The following SS18L1 variants were observed in gnomAD, a reference collection of about 807,000 sequenced individuals.
The protein encoded by SS18L1 is calcium-responsive transactivator.
A neutral mutation model predicts 70.3 loss-of-function variants in SS18L1; 32 were observed. The observed-to-expected ratio is 0.46, with a 90% confidence interval of 0.34 to 0.61. The LOEUF is 0.61. Ranked by LOEUF, SS18L1 falls within the 20% of genes least tolerant of loss-of-function variation. The pLI, the probability that SS18L1 is intolerant of heterozygous loss-of-function variation, is 0.01. For missense variants in SS18L1, 430 were observed against 542.1 expected (o/e 0.79, Z 2.05); for synonymous variants, 237 against 229.7 (o/e 1.03, Z -0.29).
In SS18L1 at chr20:62,163,622, G is replaced by T; in HGVS notation, c.721G>T (p.Gly241Cys). Reference protein sequence around the residue: ...PMAPYRPSQQGSSQQYLGQEE... With the variant: ...PMAPYRPSQQCSSQQYLGQEE... The stretch of plus-strand genomic sequence containing the variant: ...GGCGCCCTACCGGCCCTCCCAGCAA[G>T]GTAACGCCCGGCCGGGCCAGGTCGC... Residue 241 changes from glycine (G) to cysteine (C), a missense_variant and splice_region_variant, in exon 6 of 11, where the codon GGC becomes TGC. Transcript: ENST00000331758. 1 of 1,577,832 alleles carries T rather than the reference G, an allele frequency of 6.3e-7. No individual in the cohort carries two copies.
At chr20:62,154,364 G>A (rs890748090) in intron 1 of SS18L1, 6 of 1,050,254 alleles carry the variant, frequency 5.7e-6, no homozygotes, top group Middle Eastern at 4.3e-4. Context: ...CTGAAAGTGC[G>A]TCCATTCCCC....
Position 62,143,805 on chromosome 20 carries a change from GC to G in SS18L1, c.-12del. The G allele has an allele frequency of 7.4e-7, 1 of 1,353,912 alleles. No homozygotes were observed. The highest frequency in any genetic ancestry group is 9.8e-7 in the Non-Finnish European group (1 of 1,023,096). The allele number at this position is 1,353,912 out of a possible 1,614,324, so 83.9% of individuals were successfully genotyped here. A position where few individuals can be genotyped will look rare whatever the true frequency, so the allele number is the denominator to read the frequency against. On this transcript the variant is annotated 5_prime_UTR_variant, in exon 1 of 11. Coordinates refer to ENST00000331758, the MANE Select transcript of SS18L1 (RefSeq NM_198935.3). ...ATCCACCTCGATGACCACGGGCTGA[GC>G]CCCGCGCCGCCACCATGTCCGTGGC... is the stretch of plus-strand genomic sequence containing the variant.
In SS18L1 at chr20:62,162,753, GCC is replaced by G. The variant is rs766850990; in HGVS notation, c.379_380del (p.Pro127GlufsTer11). ...SLLQGQIGNG[P>X]SHVSMQQTAP... ...ACCACTCCCTGCTCCCCATGCCAGG[GCC>G]GAGCCACGTGTCCATGCAGCAGACG... On this transcript the variant is annotated frameshift_variant and splice_region_variant, in exon 5 of 11. Coordinates refer to ENST00000331758, the MANE Select transcript of SS18L1 (RefSeq NM_198935.3). LOFTEE classifies it high-confidence loss of function. 1 of 1,606,544 alleles carries G rather than the reference GCC, an allele frequency of 6.2e-7. No individual in the cohort carries two copies. Among genetic ancestry groups the G allele is most frequent in the South Asian group, 1.1e-5 (1 of 90,734 alleles).
chr20:62,179,093 C>T lies in SS18L1; in HGVS notation c.1165-89C>T, dbSNP rs1284425144. On this transcript the variant is annotated intron_variant, in intron 10 of 10. Transcript: ENST00000331758. ...AGAGGTTGTTTGCTTGCTGTTGTCCCTCCTACCCCCTGTCCGGGCTGGGGT... is the reference window on the plus strand; with the variant it reads ...AGAGGTTGTTTGCTTGCTGTTGTCCTTCCTACCCCCTGTCCGGGCTGGGGT... The T allele has an allele frequency of 9.6e-6, 14 of 1,461,220 alleles. No homozygotes were observed. The East Asian group carries it at 2.5e-4, about 26-fold the overall frequency. The allele number at this position is 1,461,220 out of a possible 1,614,324, so 90.5% of individuals were successfully genotyped here. A position where few individuals can be genotyped will look rare whatever the true frequency, so the allele number is the denominator to read the frequency against.
At chr20:62,167,795 T>A (rs2057461564) in intron 8 of SS18L1, among the ~76,000 whole-genome samples, 1 of 151,520 alleles carries the variant, frequency 6.6e-6, no homozygotes, top group Admixed American at 6.6e-5. Context: ...TGCTCAGCCT[T>A]TTAGTGTCTG....
intron 8 of SS18L1, 100 bp from the exon 9 acceptor site, chr20:62,172,582 G>A: frequency 1.3e-6 from 2 of 1,573,292 alleles, no homozygotes; most frequent in African/African-American, 1.3e-5. Context: ...AATGGATTTG[G>A]TTTTGGGATT....
rs995654984 is a variant in SS18L1 at position 62,164,387 on chromosome 20, G to A, written c.823+141G>A. 7 of 897,928 alleles carry A rather than the reference G, an allele frequency of 7.8e-6. No individual in the cohort carries two copies. In the African/African-American group the frequency reaches 1.2e-4, roughly 15 times the overall value. The allele number at this position is 897,928 out of a possible 1,614,324, so 55.6% of individuals were successfully genotyped here. A position where few individuals can be genotyped will look rare whatever the true frequency, so the allele number is the denominator to read the frequency against. ...CTCAGGCCTGGGCTACAGGCAGAGT[G>A]GCCAGACGCCCTGCAGGAGCAAGGT... On this transcript the variant is annotated intron_variant, in intron 7 of 10. Transcript: ENST00000331758.
At position 62,164,240 on chromosome 20, in the gene SS18L1, C is replaced by T; in HGVS notation, c.817C>T (p.Pro273Ser). 1 of 1,547,828 alleles carries T rather than the reference C, an allele frequency of 6.5e-7. No homozygotes were observed. Among genetic ancestry groups the T allele is most frequent in the Non-Finnish European group, 8.7e-7 (1 of 1,145,698 alleles). Residue 273 changes from proline (P) to serine (S), a missense_variant, in exon 7 of 11, where the codon CCC becomes TCC. Transcript: ENST00000331758. ...AAEPMGQQYY[P>S]DGHGDYAYQQ... ...GGAGCCCATGGGCCAGCAGTACTAC[C>T]CCGACGGTGAGCACTGGCGGCGGCC...
At position 62,161,209 on chromosome 20, in the gene SS18L1, CAGTA is replaced by C. The variant is rs1568749068; in HGVS notation, c.232-226_232-223del. On this transcript the variant is annotated intron_variant, in intron 3 of 10. Coordinates refer to ENST00000331758, the MANE Select transcript of SS18L1 (RefSeq NM_198935.3). The surrounding 1 kb of genome is among the most constrained non-coding windows in gnomAD (Gnocchi z 4.4). Reference sequence around the variant, plus strand: ...GGCACGTGTGGATGAACTTGATACTCAGTAGGGTTGTGAACGCTCACCCAGATGC... The same window carrying C: ...GGCACGTGTGGATGAACTTGATACTCGGGTTGTGAACGCTCACCCAGATGC... 6.6e-6 allele frequency among the ~76,000 whole-genome samples: 1 copy of C among 150,674 alleles called. No individual in the cohort carries two copies. Among genetic ancestry groups the C allele is most frequent in the Non-Finnish European group, 1.5e-5 (1 of 67,802 alleles).
At chr20:62,163,181 G>A (rs2145742980) in intron 5 of SS18L1, among the ~76,000 whole-genome samples, 1 of 152,264 alleles carries the variant, frequency 6.6e-6, no homozygotes, top group East Asian at 1.9e-4. Context: ...GAGTCTCAGG[G>A]AATGCCCCAG....
chr20:62,180,035 T>G lies in SS18L1; in HGVS notation c.*827T>G, dbSNP rs2057684669. The G allele has an allele frequency of 4.6e-6, 1 of 218,254 alleles. No homozygotes were observed. The highest frequency in any genetic ancestry group is 1.9e-4 in the South Asian group (1 of 5,404). The allele number at this position is 218,254 out of a possible 1,614,324, so 13.5% of individuals were successfully genotyped here. Reference sequence around the variant, plus strand: ...TCAGAGATTACTCTGGCTTTGACCCTTGTTTAGCTGATGGTCATTTCTGGG... The same window carrying G: ...TCAGAGATTACTCTGGCTTTGACCCGTGTTTAGCTGATGGTCATTTCTGGG... On this transcript the variant is annotated 3_prime_UTR_variant, in exon 11 of 11. Transcript: ENST00000331758.
chr20:62,178,141 C>CTTTTTT (rs61157167), intron 10 of SS18L1, among the ~76,000 whole-genome samples: 96 of 97,734 alleles, frequency 9.8e-4, no homozygotes, highest in Non-Finnish European at 1.2e-3. Context: ...GTGGCTTATT[C>CTTTTTT]TTTTTTTTTT....
At chr20:62,179,053 C>T (rs534228606) in intron 10 of SS18L1, 129 bp from the exon 11 acceptor site, 27 of 995,868 alleles carry the variant, frequency 2.7e-5, no homozygotes, top group South Asian at 1.3e-4. Context: ...TTCGCTGCCC[C>T]GCAGAGATGT....
intron 1 of SS18L1, chr20:62,154,414 A>G (rs995389933): frequency 1.9e-6 from 2 of 1,044,516 alleles, no homozygotes; most frequent in East Asian, 1.1e-4. Flanking sequence ...TAGAATTTCT[A>G]CGCAGAAGTC....
In SS18L1 at chr20:62,162,814, A is replaced by G; in HGVS notation, c.439A>G (p.Ile147Val). The G allele has an allele frequency of 1.2e-6, 2 of 1,612,808 alleles. No individual in the cohort carries two copies. The highest frequency in any genetic ancestry group is 1.1e-5 in the South Asian group (1 of 91,076). ...PNTLPTTSMS[I>V]SGPGYSHAGP... ...CACGCTGCCCACCACCTCCATGAGC[A>G]TCTCTGGGCCCGGCTACAGCCACGC... Residue 147 changes from isoleucine (I) to valine (V), a missense_variant, in exon 5 of 11, where the codon ATC becomes GTC. Ile to Val is a conservative substitution (Grantham distance 29). Transcript: ENST00000331758.
intron 1 of SS18L1, chr20:62,154,279 A>T (rs780286280): frequency 9.9e-7 from 1 of 1,012,752 alleles, no homozygotes; most frequent in Non-Finnish European, 1.2e-6. Context: ...TGACTCTGAC[A>T]GTTTTTGAAG....
intron 7 of SS18L1, among the ~76,000 whole-genome samples, chr20:62,165,214 C>CTT (rs1371030995): frequency 6.6e-6 from 1 of 152,230 alleles, no homozygotes; most frequent in Non-Finnish European, 1.5e-5. Context: ...TTCACAGTCG[C>CTT]CCCGAGAAGG....
At position 62,179,235 on chromosome 20, in the gene SS18L1, T is replaced by C. The variant is rs1555829008; in HGVS notation, c.*27T>C. The C allele has an allele frequency of 7.4e-6, 12 of 1,614,062 alleles. No individual in the cohort carries two copies. The highest frequency in any genetic ancestry group is 1.0e-5 in the Non-Finnish European group (12 of 1,179,948). On this transcript the variant is annotated 3_prime_UTR_variant, in exon 11 of 11. Coordinates refer to ENST00000331758, the MANE Select transcript of SS18L1 (RefSeq NM_198935.3). ...GGACACACATTCTGGCTGGAGCCCTTGTGGTAGCGTGTTCATCCAGGGGCC... is the reference window on the plus strand; with the variant it reads ...GGACACACATTCTGGCTGGAGCCCTCGTGGTAGCGTGTTCATCCAGGGGCC...
chr20:62,175,453 G>C, intron 10 of SS18L1: 1 of 985,358 alleles, frequency 1.0e-6, no homozygotes, highest in Non-Finnish European at 1.2e-6. Flanking sequence ...GGCAAGGGAA[G>C]AGGGCGTGCC....
Sources: gnomAD v4.1 joint callset for allele counts (sites outside exome capture counted in the v4.1 genomes callset) on GRCh38, gnomAD v4.1.1 for gene constraint, Gnocchi (gnomAD v3.1) non-coding constraint, MANE v1.5 for transcripts, NCBI Gene and HGNC (gene_info 2026-07-23, HGNC 2026-07-21) for gene names.